Variants in SCN9A observed in about 807,000 individuals in gnomAD.
The protein encoded by SCN9A is sodium channel protein type 9 subunit alpha.
In SCN9A, 131 loss-of-function variants were observed where a neutral mutation model predicts 187.0. The observed-to-expected ratio is 0.70, with a 90% CI of 0.61 to 0.81. The LOEUF (loss-of-function observed/expected upper bound fraction) is 0.81. Among genes scored for constraint, SCN9A ranks in the 30% least tolerant of loss-of-function variants. The pLI is 0.00. For synonymous variants in SCN9A, 809 were observed against 808.6 expected, an observed-to-expected ratio of 1.00 and a Z score of -0.01; for missense variants, 2,252 against 2,396.6, an observed-to-expected ratio of 0.94 and a Z score of 1.26.
At chr2:166,253,257 A>G (rs551763015) in intron 17 of SCN9A, among the ~76,000 whole-genome samples, 1 of 151,970 alleles carries the variant, frequency 6.6e-6, no homozygotes, top group South Asian at 2.1e-4. Flanking sequence ...CTTTCTTATA[A>G]CTGGAGTAAA....
chr2:166,350,274 T>G (rs558516052), intron 1 of SCN9A, among the ~76,000 whole-genome samples: 17 of 152,228 alleles, frequency 1.1e-4, no homozygotes, highest in Non-Finnish European at 1.9e-4. Context: ...ACTATGGGGA[T>G]GCCCCTCCAG....
chr2:166,242,294 A>C (rs899096060), intron 19 of SCN9A, among the ~76,000 whole-genome samples: 2 of 151,990 alleles, frequency 1.3e-5, no homozygotes, highest in African/African-American at 4.8e-5. Flanking sequence ...GGTCCTTTGG[A>C]CAACAGCATT....
intron 18 of SCN9A, 110 bp downstream of exon 18, chr2:166,251,655 G>A: frequency 3.5e-6 from 4 of 1,128,906 alleles, no homozygotes; most frequent in Non-Finnish European, 5.2e-6. Flanking sequence ...GAATCAGCAT[G>A]GAATGGAGTC....
intron 1 of SCN9A, among the ~76,000 whole-genome samples, chr2:166,366,735 G>C (rs1322536443): frequency 6.6e-6 from 1 of 152,046 alleles, no homozygotes; most frequent in Non-Finnish European, 1.5e-5. Flanking sequence ...TAACCACTTA[G>C]TCTAGAGGAT....
chr2:166,307,030 A>G lies in SCN9A; in HGVS notation c.303T>C (p.Asn101=). Residue 101 remains asparagine (N), a synonymous_variant, in exon 3 of 27, where the codon AAT becomes AAC. Transcript: ENST00000642356. ...AAAGCATATATAAAGCAGGTGTGGC[A>G]TTGAAACGGAAGATTGTTTTCCCTT... The part of the protein sequence containing the change: ...LNKGKTIFRF[N]ATPALYMLSP... 1 of 1,612,022 alleles carries G rather than the reference A, an allele frequency of 6.2e-7. No homozygotes were observed. Among genetic ancestry groups the G allele is most frequent in the African/African-American group, 1.3e-5 (1 of 75,026 alleles).
intron 1 of SCN9A, among the ~76,000 whole-genome samples, chr2:166,346,453 C>T (rs1699902935): frequency 6.6e-6 from 1 of 152,008 alleles, no homozygotes; most frequent in African/African-American, 2.4e-5. Flanking sequence ...CAATACTGTC[C>T]AGTAGAAAAT....
At chr2:166,331,396 A>G (rs934857850) in intron 1 of SCN9A, among the ~76,000 whole-genome samples, 1 of 152,188 alleles carries the variant, frequency 6.6e-6, no homozygotes, top group Non-Finnish European at 1.5e-5. Flanking sequence ...GAACACCTCC[A>G]TCAAGTTTCT....
At position 166,199,443 on chromosome 2, in the gene SCN9A, G is replaced by C; in HGVS notation, c.5196C>G (p.Asn1732Lys). ...CAAAGTAGAATATTCCAACAGATGG[G>C]TTACCACAGTCTCCTTCAACTGAAC... Reference protein sequence around the residue: ...PGSSVEGDCGNPSVGIFYFVS... With the variant: ...PGSSVEGDCGKPSVGIFYFVS... The change falls in exon 27 of 27, where the codon AAC becomes AAG. Residue 1732 changes from asparagine (N) to lysine (K), a missense_variant. Physicochemically the swap from Asn to Lys is moderately conservative, Grantham distance 94. This residue lies in a region of SCN9A where 345 missense variants were observed against 344.6 expected (regional missense o/e 1.00). Transcript: ENST00000642356. 6.2e-7 allele frequency: 1 copy of C among 1,614,118 alleles called. No individual in the cohort carries two copies. The highest frequency in any genetic ancestry group is 8.5e-7 in the Non-Finnish European group (1 of 1,180,022).
At chr2:166,288,729 C>T (rs1697902998) in intron 9 of SCN9A, 86 bp from the exon 10 acceptor site, 12 of 963,406 alleles carry the variant, frequency 1.2e-5, no homozygotes, top group Non-Finnish European at 1.8e-5. Flanking sequence ...GCAAATCTGA[C>T]AGTTTGGTAT....
chr2:166,283,840 AACAG>A (rs1185017238), intron 12 of SCN9A, among the ~76,000 whole-genome samples: 4 of 152,322 alleles, frequency 2.6e-5, no homozygotes, highest in African/African-American at 7.2e-5. Flanking sequence ...CAAGATCTGA[AACAG>A]ACAGCCTCCG....
chr2:166,202,508 CTT>C (rs1318430525), intron 26 of SCN9A, among the ~76,000 whole-genome samples: 1 of 151,620 alleles, frequency 6.6e-6, no homozygotes, highest in Non-Finnish European at 1.5e-5. Context: ...ATCATTTAGA[CTT>C]ATATTGTTTT....
chr2:166,250,995 TTTTTGC>T (rs1696009306), intron 18 of SCN9A, among the ~76,000 whole-genome samples: 1 of 151,672 alleles, frequency 6.6e-6, no homozygotes, highest in African/African-American at 2.4e-5. Context: ...TTTGTTTTTG[TTTTTGC>T]TTTTCAAAAA....
At chr2:166,365,190 C>T (rs923281315) in intron 1 of SCN9A, among the ~76,000 whole-genome samples, 2 of 151,984 alleles carry the variant, frequency 1.3e-5, no homozygotes, top group Non-Finnish European at 2.9e-5. Flanking sequence ...TTCCAAGAAT[C>T]CAATCCATTA....
At position 166,195,812 on chromosome 2, in the gene SCN9A, G is replaced by A. The variant is rs200963393; in HGVS notation, c.*2860C>T. Reference sequence around the variant, plus strand: ...GCCTGTAACCCCAGCATGTTGGCAGGTCATGACAGTAGGAACACTTGAAGC... The same window carrying A: ...GCCTGTAACCCCAGCATGTTGGCAGATCATGACAGTAGGAACACTTGAAGC... On this transcript the variant is annotated 3_prime_UTR_variant, in exon 27 of 27. Coordinates refer to ENST00000642356, the MANE Select transcript of SCN9A (RefSeq NM_001365536.1). 2 of 152,238 alleles carry A rather than the reference G, an allele frequency of 1.3e-5. No individual in the cohort carries two copies. The highest frequency in any genetic ancestry group is 2.9e-5 in the Non-Finnish European group (2 of 68,064). 9.4% of individuals were successfully genotyped at this position (152,238 alleles called of 1,614,324 possible).
intron 13 of SCN9A, among the ~76,000 whole-genome samples, chr2:166,281,335 G>A (rs979785288): frequency 5.9e-5 from 9 of 152,134 alleles, no homozygotes; most frequent in Admixed American, 5.9e-4. Context: ...ACAGAATCAC[G>A]TAGCTCTGGG....
Position 166,288,658 on chromosome 2 carries a change from A to T in SCN9A, c.1108-15T>A. Reference sequence around the variant, plus strand: ...GCACGCAGCGTCTAGGGAAAAATGGAAATTGTCATTTGAACAATAAAAAGT... The same window carrying T: ...GCACGCAGCGTCTAGGGAAAAATGGTAATTGTCATTTGAACAATAAAAAGT... On this transcript the variant is annotated splice_polypyrimidine_tract_variant and intron_variant, in intron 9 of 26. Transcript: ENST00000642356. 6.6e-7 allele frequency: 1 copy of T among 1,521,372 alleles called. No individual in the cohort carries two copies. The highest frequency in any genetic ancestry group is 8.8e-7 in the Non-Finnish European group (1 of 1,130,322). 94.2% of individuals were successfully genotyped at this position (1,521,372 alleles called of 1,614,324 possible). A position where few individuals can be genotyped will look rare whatever the true frequency, so the allele number is the denominator to read the frequency against.
chr2:166,244,934 C>T (rs892340538), intron 18 of SCN9A, among the ~76,000 whole-genome samples: 9 of 152,006 alleles, frequency 5.9e-5, no homozygotes, highest in Non-Finnish European at 8.8e-5. Flanking sequence ...AACAGATAAA[C>T]AGTCAAGGTG....
At chr2:166,202,795 A>C (rs2106344163) in intron 26 of SCN9A, among the ~76,000 whole-genome samples, 1 of 151,832 alleles carries the variant, frequency 6.6e-6, no homozygotes, top group Admixed American at 6.6e-5. Flanking sequence ...TAGTGTTGGC[A>C]CATGTAATTT....
chr2:166,211,192 G>A (rs1002556314), intron 24 of SCN9A, among the ~76,000 whole-genome samples: 3 of 152,092 alleles, frequency 2.0e-5, no homozygotes, highest in Admixed American at 2.0e-4. Context: ...AAGATGAACA[G>A]CAGATTTCTC....
Sources: gnomAD v4.1 joint callset for allele counts (sites outside exome capture counted in the v4.1 genomes callset) on GRCh38, gnomAD v4.1.1 for gene constraint, gnomAD v4.1.1 regional missense constraint, MANE v1.5 for transcripts, NCBI Gene and HGNC (gene_info 2026-07-23, HGNC 2026-07-21) for gene names.